Variants in ZNF773 observed in about 807,000 individuals in gnomAD.
The protein encoded by ZNF773 is zinc finger protein 773.
Under a neutral mutation model 12.8 loss-of-function variants are expected in ZNF773, and 11 were observed. That is an observed-to-expected ratio of 0.86 (90% CI 0.54 to 1.42). The LOEUF is 1.42. Ranked by LOEUF, ZNF773 falls within the 40% of genes most tolerant of loss-of-function variation. The probability of loss-of-function intolerance (pLI) is 0.00; values close to 1 mark genes in which losing one functional copy is unlikely to be tolerated. For missense variants in ZNF773, 518 were observed against 527.2 expected (o/e 0.98, Z 0.17); for synonymous variants, 175 against 178.4 (o/e 0.98, Z 0.15).
downstream of ZNF773, among the ~76,000 whole-genome samples, chr19:57,511,069 T>G (rs142334068): frequency 0.15 from 18,295 of 122,938 alleles, 1,427 homozygotes; most frequent in Non-Finnish European, 0.19. Flanking sequence ...TTTTTTTTTT[T>G]GAGACGGAGT....
chr19:57,503,877 C>T (rs1216471173), intron 1 of ZNF773, among the ~76,000 whole-genome samples: 4 of 152,004 alleles, frequency 2.6e-5, no homozygotes, highest in Non-Finnish European at 5.9e-5. Context: ...AGGCTGGTCT[C>T]GAACTCCTGA....
At chr19:57,501,118 G>A (rs1568577772) in intron 1 of ZNF773, among the ~76,000 whole-genome samples, 3 of 152,148 alleles carry the variant, frequency 2.0e-5, no homozygotes, top group South Asian at 4.1e-4. Context: ...CCAGGCTGGT[G>A]GAGCAGCACC....
At chr19:57,514,531 T>G (rs910613493), downstream of ZNF773, 3 of 152,232 alleles carry the variant, frequency 2.0e-5, no homozygotes, top group African/African-American at 7.2e-5. Context: ...CAAAAGCCTT[T>G]GCTTCTGTTT....
chr19:57,511,487 TACACTC>T (rs2089794870), downstream of ZNF773, among the ~76,000 whole-genome samples: 1 of 152,102 alleles, frequency 6.6e-6, no homozygotes, highest in African/African-American at 2.4e-5. Context: ...AACCCGGAAA[TACACTC>T]ACACAACACT....
chr19:57,507,524 A>G lies in ZNF773; in HGVS notation c.*100A>G. ...GGTTACTAATGGAAATCCATTAGCT[A>G]TACCTCCAAACTCATTCAACACTGG... On this transcript the variant is annotated 3_prime_UTR_variant, in exon 4 of 4. Transcript: ENST00000282292. 6.8e-7 allele frequency: 1 copy of G among 1,478,376 alleles called. No individual in the cohort carries two copies. The highest frequency in any genetic ancestry group is 8.9e-7 in the Non-Finnish European group (1 of 1,120,524). 91.6% of individuals were successfully genotyped at this position (1,478,376 alleles called of 1,614,324 possible). A position where few individuals can be genotyped will look rare whatever the true frequency, so the allele number is the denominator to read the frequency against.
At chr19:57,510,415 C>T (rs565179858), downstream of ZNF773, among the ~76,000 whole-genome samples, 35 of 152,176 alleles carry the variant, frequency 2.3e-4, no homozygotes, top group East Asian at 6.8e-3. Flanking sequence ...AAACAAACAG[C>T]TAACAGCACA....
At chr19:57,500,886 G>A (rs1423426978) in intron 1 of ZNF773, among the ~76,000 whole-genome samples, 1 of 152,140 alleles carries the variant, frequency 6.6e-6, no homozygotes, top group East Asian at 1.9e-4. Flanking sequence ...TGGTCCCTGA[G>A]GTGAGGGAAG....
chr19:57,501,223 G>C (rs2089666164), intron 1 of ZNF773, among the ~76,000 whole-genome samples: 1 of 151,820 alleles, frequency 6.6e-6, no homozygotes, highest in Non-Finnish European at 1.5e-5. Context: ...CTTCAGGGGA[G>C]TATATAGCAG....
Position 57,507,119 on chromosome 19 carries a change from C to T in ZNF773, c.1024C>T (p.His342Tyr), listed in dbSNP as rs200859179. The change falls in exon 4 of 4, where the codon CAC (histidine) becomes TAC (tyrosine). Residue 342 changes from histidine (H) to tyrosine (Y), a missense_variant. Transcript: ENST00000282292. ...KCSECGKFYS[H>Y]KSSLINHWRV... is the part of the protein sequence containing the mutation. ...CAGTGAATGTGGAAAATTCTATAGC[C>T]ACAAGTCCAGCCTTATCAATCATTG... 6.4e-5 allele frequency: 104 copies of T among 1,613,934 alleles called. No homozygotes were observed. The highest frequency in any genetic ancestry group is 8.6e-5 in the Non-Finnish European group (102 of 1,180,010).
chr19:57,508,302 C>T, downstream of ZNF773: 1 of 1,210,248 alleles, frequency 8.3e-7, no homozygotes, highest in African/African-American at 1.5e-5. Context: ...TGTCTTGGAG[C>T]TCCAGAGAGA....
chr19:57,515,407 C>G (rs748792675), downstream of ZNF773: 2 of 152,224 alleles, frequency 1.3e-5, no homozygotes, highest in Non-Finnish European at 2.9e-5. Flanking sequence ...TTGCGCAAGC[C>G]TACCCCACTT....
Position 57,499,952 on chromosome 19 carries a change from C to G in ZNF773, c.-129C>G. On this transcript the variant is annotated 5_prime_UTR_variant, in exon 1 of 4. Transcript: ENST00000282292. ...GGAAGCTGGTTGTTCGCTGCGGCGA[C>G]CAGCTCCGGAAAGCGCGGTGGGGAC... is the stretch of plus-strand genomic sequence containing the variant. The G allele has an allele frequency of 7.8e-7, 1 of 1,279,702 alleles. No homozygotes were observed. 79.3% of individuals were successfully genotyped at this position (1,279,702 alleles called of 1,614,324 possible).
At chr19:57,508,821 G>A (rs758150593), downstream of ZNF773, among the ~76,000 whole-genome samples, 36 of 148,328 alleles carry the variant, frequency 2.4e-4, no homozygotes, top group Admixed American at 1.7e-3. Flanking sequence ...TTCGTCACAC[G>A]TATATCTTCG....
chr19:57,500,660 G>C (rs1318650268), intron 1 of ZNF773, among the ~76,000 whole-genome samples: 11 of 152,236 alleles, frequency 7.2e-5, no homozygotes, highest in African/African-American at 2.7e-4. Flanking sequence ...GACTGTGAAA[G>C]AAAGTAGGGA....
chr19:57,513,000 G>T (rs1295366654), downstream of ZNF773: 1 of 1,539,152 alleles, frequency 6.5e-7, no homozygotes, highest in Non-Finnish European at 8.7e-7. Flanking sequence ...CTTCATTTCT[G>T]CATTTGTCCT....
chr19:57,512,890 G>T (rs2123284994), downstream of ZNF773: 2 of 985,028 alleles, frequency 2.0e-6, no homozygotes, highest in Non-Finnish European at 1.4e-6. Flanking sequence ...CCTCTCTGTG[G>T]ATTCTACCTA....
chr19:57,514,093 A>G (rs570595712), downstream of ZNF773: 15 of 152,344 alleles, frequency 9.8e-5, no homozygotes, highest in African/African-American at 3.4e-4. Flanking sequence ...CCCACTGGCT[A>G]TGTCATTCAT....
intron 1 of ZNF773, among the ~76,000 whole-genome samples, chr19:57,503,982 A>G (rs535219305): frequency 1.6e-4 from 25 of 152,316 alleles, no homozygotes; most frequent in Admixed American, 8.5e-4. Flanking sequence ...AATGAGAGTC[A>G]GAGGAACGCT....
At chr19:57,516,923 C>T (rs1368059675), downstream of ZNF773, 1 of 152,376 alleles carries the variant, frequency 6.6e-6, no homozygotes, top group South Asian at 2.1e-4. Context: ...CGCTACATCC[C>T]AATCTGCTAC....
Sources: gnomAD v4.1 joint callset for allele counts (sites outside exome capture counted in the v4.1 genomes callset) on GRCh38, gnomAD v4.1.1 for gene constraint, MANE v1.5 for transcripts, NCBI Gene and HGNC (gene_info 2026-07-23, HGNC 2026-07-21) for gene names.